ITGA9: variants seen among roughly 807,000 people sequenced by gnomAD.
The protein encoded by ITGA9 is integrin subunit alpha 9.
In ITGA9, 56 loss-of-function variants were observed where a neutral mutation model predicts 127.8. The ratio of observed to expected loss-of-function variants is 0.44; its 90% CI spans 0.35 to 0.55. The LOEUF (loss-of-function observed/expected upper bound fraction) is 0.55. Among genes scored for constraint, ITGA9 ranks in the 20% least tolerant of loss-of-function variants. ITGA9 has a pLI of 0.00. For synonymous variants in ITGA9, 508 were observed against 514.5 expected, an observed-to-expected ratio of 0.99 and a Z score of 0.17; for missense variants, 1,196 against 1,347.1, an observed-to-expected ratio of 0.89 and a Z score of 1.76.
chr3:37,553,726 C>G (rs1699400906), intron 15 of ITGA9, among the ~76,000 whole-genome samples: 1 of 152,208 alleles, frequency 6.6e-6, no homozygotes, highest in African/African-American at 2.4e-5. Context: ...GGAGTTTCAA[C>G]TCTGGGGAAG....
chr3:37,620,334 A>G (rs1385845167), intron 15 of ITGA9, among the ~76,000 whole-genome samples: 1 of 152,150 alleles, frequency 6.6e-6, no homozygotes, highest in African/African-American at 2.4e-5. Context: ...ACCTGGTTCC[A>G]GCCTGCTCTC....
intron 15 of ITGA9, among the ~76,000 whole-genome samples, chr3:37,587,087 C>T (rs1459111265): frequency 6.6e-6 from 1 of 152,130 alleles, no homozygotes; most frequent in East Asian, 1.9e-4. Context: ...GCATATGTTG[C>T]ATTATGTATC....
chr3:37,502,024 G>A (rs754168028), intron 5 of ITGA9, among the ~76,000 whole-genome samples: 10 of 152,092 alleles, frequency 6.6e-5, no homozygotes, highest in Non-Finnish European at 4.4e-5. Flanking sequence ...TTCCATTATC[G>A]TATCACCCAG....
chr3:37,552,320 A>G (rs1250727396), intron 15 of ITGA9, among the ~76,000 whole-genome samples: 2 of 152,092 alleles, frequency 1.3e-5, no homozygotes, highest in African/African-American at 4.8e-5. Flanking sequence ...TGGCCCCTGA[A>G]GCCTCATTGC....
intron 16 of ITGA9, among the ~76,000 whole-genome samples, chr3:37,641,439 T>C (rs1700332718): frequency 2.0e-5 from 3 of 152,092 alleles, no homozygotes; most frequent in Admixed American, 1.3e-4. Flanking sequence ...GGCCCTCACG[T>C]GTCAGGCCCA....
At chr3:37,548,291 G>C (rs965734754) in intron 15 of ITGA9, among the ~76,000 whole-genome samples, 1 of 152,142 alleles carries the variant, frequency 6.6e-6, no homozygotes, top group Non-Finnish European at 1.5e-5. Flanking sequence ...CAGCGGCCAG[G>C]GTTTGGGGGA....
chr3:37,733,077 G>A (rs955816667), intron 19 of ITGA9: 4 of 447,588 alleles, frequency 8.9e-6, no homozygotes. Flanking sequence ...TTTAGCACGT[G>A]CCATTTAGTT....
chr3:37,511,413 T>C lies in ITGA9; in HGVS notation c.898-2350T>C, dbSNP rs114029032. ...TTGAATTAACGGAGTATGTGAAGCATTTGTATTTCAAAACTGAGATAGGAA... is the reference window on the plus strand; with the variant it reads ...TTGAATTAACGGAGTATGTGAAGCACTTGTATTTCAAAACTGAGATAGGAA... On this transcript the variant is annotated intron_variant, in intron 8 of 27. Coordinates refer to ENST00000264741, the MANE Select transcript of ITGA9 (RefSeq NM_002207.3). Among the ~76,000 whole-genome samples the C allele has an allele frequency of 6.4e-3, 969 of 152,340 alleles. 8 individuals carry two copies. The highest frequency in any genetic ancestry group is 0.01 in the Non-Finnish European group (714 of 68,028).
chr3:37,452,627 G>T lies in ITGA9; in HGVS notation c.185+68G>T. 1 of 1,328,380 alleles carries T rather than the reference G, an allele frequency of 7.5e-7. No individual in the cohort carries two copies. Among genetic ancestry groups the T allele is most frequent in the Non-Finnish European group, 9.9e-7 (1 of 1,012,710 alleles). 82.3% of individuals were successfully genotyped at this position (1,328,380 alleles called of 1,614,324 possible). A position where few individuals can be genotyped will look rare whatever the true frequency, so the allele number is the denominator to read the frequency against. On this transcript the variant is annotated intron_variant, in intron 1 of 27. Coordinates refer to ENST00000264741, the MANE Select transcript of ITGA9 (RefSeq NM_002207.3). This position sits in a 1 kb window ranked among gnomAD's most constrained non-coding sequence, Gnocchi z 7.3. ...CCGCCCCGGCCCCCAGGCCAGCGCC[G>T]CCGCCGCCTTTCCGGTCTCTTCCAC...
intron 26 of ITGA9, among the ~76,000 whole-genome samples, chr3:37,786,325 T>C (rs915940193): frequency 6.6e-6 from 1 of 152,298 alleles, no homozygotes; most frequent in South Asian, 2.1e-4. Flanking sequence ...AGACTACTCT[T>C]ACAAGACCCT....
intron 18 of ITGA9, among the ~76,000 whole-genome samples, chr3:37,716,506 T>G (rs1701137151): frequency 6.6e-6 from 1 of 150,964 alleles, no homozygotes; most frequent in African/African-American, 2.4e-5. Context: ...TTCTGCAGGC[T>G]CAAAGCATGG....
At chr3:37,551,812 G>C (rs1699381045) in intron 15 of ITGA9, among the ~76,000 whole-genome samples, 1 of 152,186 alleles carries the variant, frequency 6.6e-6, no homozygotes, top group South Asian at 2.1e-4. Flanking sequence ...AAAAGCCCTT[G>C]CCATCTCTAT....
chr3:37,583,938 T>C (rs1699732482), intron 15 of ITGA9, among the ~76,000 whole-genome samples: 1 of 152,210 alleles, frequency 6.6e-6, no homozygotes, highest in Admixed American at 6.5e-5. Context: ...TGACCTCTCA[T>C]TGTCATGTTG....
chr3:37,526,085 C>T lies in ITGA9; in HGVS notation c.1373+14C>T. The T allele has an allele frequency of 1.9e-6, 3 of 1,611,180 alleles. No homozygotes were observed. The highest frequency in any genetic ancestry group is 2.5e-6 in the Non-Finnish European group (3 of 1,177,344). On this transcript the variant is annotated intron_variant, in intron 13 of 27. Transcript: ENST00000264741. Reference sequence around the variant, plus strand: ...GGTTCTTCTCAGGTGAGAGGCCCCACTCTTGCTCCTTGAATTGTGCTGTTC... The same window carrying T: ...GGTTCTTCTCAGGTGAGAGGCCCCATTCTTGCTCCTTGAATTGTGCTGTTC...
intron 13 of ITGA9, among the ~76,000 whole-genome samples, chr3:37,526,827 T>G (rs1699098060): frequency 6.6e-6 from 1 of 152,230 alleles, no homozygotes; most frequent in South Asian, 2.1e-4. Flanking sequence ...AGAGGCCATG[T>G]AGTTCCACAC....
chr3:37,800,193 C>T (rs115090919), intron 26 of ITGA9, among the ~76,000 whole-genome samples: 43 of 152,314 alleles, frequency 2.8e-4, no homozygotes, highest in African/African-American at 7.0e-4. Context: ...TCCAACGTGG[C>T]GTTGCTGGTA....
chr3:37,610,887 A>C (rs1029939941), intron 15 of ITGA9, among the ~76,000 whole-genome samples: 1 of 152,234 alleles, frequency 6.6e-6, no homozygotes, highest in Non-Finnish European at 1.5e-5. Context: ...AGTGGTTTTA[A>C]TAAAGTTTTG....
At chr3:37,768,308 T>G (rs1696802348) in intron 23 of ITGA9, among the ~76,000 whole-genome samples, 1 of 152,126 alleles carries the variant, frequency 6.6e-6, no homozygotes, top group Non-Finnish European at 1.5e-5. Context: ...ACACCTTAGG[T>G]CAGGCTAATC....
chr3:37,751,518 G>A (rs892251639), intron 23 of ITGA9, among the ~76,000 whole-genome samples: 1 of 151,816 alleles, frequency 6.6e-6, no homozygotes, highest in Non-Finnish European at 1.5e-5. Context: ...TTTTCCTATG[G>A]GCAAAATCAT....
Sources: allele counts gnomAD v4.1 joint callset (sites outside exome capture counted in the v4.1 genomes callset), GRCh38; gene constraint gnomAD v4.1.1; non-coding constraint Gnocchi (gnomAD v3.1); transcripts MANE v1.5; gene names NCBI Gene and HGNC (gene_info 2026-07-23, HGNC 2026-07-21).